Variants in PDGFRA observed in about 807,000 individuals in gnomAD.
The protein encoded by PDGFRA is platelet-derived growth factor receptor alpha.
In PDGFRA, 25 loss-of-function variants were observed where a neutral mutation model predicts 121.5. That is an observed-to-expected ratio of 0.21 (90% CI 0.15 to 0.29). The LOEUF is 0.29. PDGFRA is among the 10% of genes least tolerant of loss of function. The probability of loss-of-function intolerance (pLI) is 1.00; values close to 1 mark genes in which losing one functional copy is unlikely to be tolerated. For missense variants in PDGFRA, 1,008 were observed against 1,345.1 expected, an observed-to-expected ratio of 0.75 and a Z score of 3.92; for synonymous variants, 463 against 494.8, an observed-to-expected ratio of 0.94 and a Z score of 0.85.
At position 54,296,685 on chromosome 4, in the gene PDGFRA, C is replaced by T. The variant is rs1577758063; in HGVS notation, c.*1413C>T. ...ACCAGAGTCTGTATTTTTCTAAACT[C>T]CCTGGCTGTTCTGATCGGCCAGTTT... On this transcript the variant is annotated 3_prime_UTR_variant, in exon 23 of 23. Coordinates refer to ENST00000257290, the MANE Select transcript of PDGFRA (RefSeq NM_006206.6). 4.3e-6 allele frequency: 1 copy of T among 232,624 alleles called. No homozygotes were observed. The highest frequency in any genetic ancestry group is 1.8e-4 in the South Asian group (1 of 5,528). 14.4% of individuals were successfully genotyped at this position (232,624 alleles called of 1,614,324 possible).
At chr4:54,269,502 C>CAT in intron 7 of PDGFRA, among the ~76,000 whole-genome samples, 1 of 140,742 alleles carries the variant, frequency 7.1e-6, no homozygotes, top group Non-Finnish European at 1.5e-5. Context: ...TATGCACATA[C>CAT]ATACACACAC....
At chr4:54,242,226 G>A (rs1166947713) in intron 1 of PDGFRA, among the ~76,000 whole-genome samples, 2 of 151,892 alleles carry the variant, frequency 1.3e-5, no homozygotes, top group Admixed American at 1.3e-4. Flanking sequence ...TATTCTTTTT[G>A]TCTCCATCGA....
chr4:54,274,846 G>A lies in PDGFRA; in HGVS notation c.1659G>A (p.Pro553=), dbSNP rs150426218. Residue 553 remains proline (P), a synonymous_variant, in exon 12 of 23, where the codon CCG becomes CCA. Coordinates refer to ENST00000257290, the MANE Select transcript of PDGFRA (RefSeq NM_006206.6). ...CCTGTCCTGGTCATTTATAGAAACCGAGGTATGAAATTCGCTGGAGGGTCA... is the reference window on the plus strand; with the variant it reads ...CCTGTCCTGGTCATTTATAGAAACCAAGGTATGAAATTCGCTGGAGGGTCA... ...IVLVVIWKQK[P]RYEIRWRVIE... The A allele has an allele frequency of 5.1e-5, 83 of 1,614,100 alleles. 1 individual carries two copies. Among genetic ancestry groups the A allele is most frequent in the South Asian group, 3.5e-4 (32 of 91,076 alleles).
intron 5 of PDGFRA, among the ~76,000 whole-genome samples, chr4:54,265,997 C>A (rs1436123478): frequency 6.6e-6 from 1 of 152,154 alleles, no homozygotes; most frequent in African/African-American, 2.4e-5. Flanking sequence ...CCTGGGGCAT[C>A]TGATAGGAAG....
intron 15 of PDGFRA, chr4:54,278,914 G>A (rs1038556467): frequency 2.6e-5 from 12 of 460,506 alleles, no homozygotes; most frequent in African/African-American, 1.2e-4. Context: ...TATAAATGAC[G>A]TCAATGATAG....
intron 8 of PDGFRA, among the ~76,000 whole-genome samples, chr4:54,271,917 T>C (rs1577721361): frequency 4.4e-5 from 4 of 90,364 alleles, no homozygotes; most frequent in Admixed American, 1.3e-4. Context: ...CTTCCCTCAC[T>C]CTCTCTTTTC....
At chr4:54,280,813 C>A in intron 16 of PDGFRA, 1 of 171,592 alleles carries the variant, frequency 5.8e-6, no homozygotes, top group Non-Finnish European at 1.3e-5. Context: ...TTATTGCTGT[C>A]TTTTTCTTTT....
chr4:54,290,679 A>G (rs1724586481), intron 22 of PDGFRA, 125 bp downstream of exon 22: 10 of 1,086,028 alleles, frequency 9.2e-6, no homozygotes, highest in South Asian at 6.3e-5. Context: ...GACAAGTTGC[A>G]GAATCCTCAG....
In PDGFRA at chr4:54,291,558, C is replaced by A. The variant is rs562579746; in HGVS notation, c.3122+1004C>A. On this transcript the variant is annotated intron_variant, in intron 22 of 22. Coordinates refer to ENST00000257290, the MANE Select transcript of PDGFRA (RefSeq NM_006206.6). ...AACATCACTGATCACTAGAGAAATG[C>A]AAATCAGAACCGTGATGAGATACCA... 7.9e-5 allele frequency among the ~76,000 whole-genome samples: 12 copies of A among 152,230 alleles called. No individual in the cohort carries two copies. The South Asian group carries it at 2.5e-3, about 32-fold the overall frequency.
At chr4:54,292,340 A>G (rs1246128164) in intron 22 of PDGFRA, among the ~76,000 whole-genome samples, 1 of 152,252 alleles carries the variant, frequency 6.6e-6, no homozygotes, top group African/African-American at 2.4e-5. Flanking sequence ...ATGCAGCCGT[A>G]AAAAGGAATG....
At chr4:54,276,469 G>T (rs971207751) in intron 12 of PDGFRA, among the ~76,000 whole-genome samples, 23 of 152,180 alleles carry the variant, frequency 1.5e-4, no homozygotes, top group Non-Finnish European at 2.9e-4. Context: ...CCATGGGGCG[G>T]TTATAAGAGC....
At chr4:54,268,566 G>A (rs1723165857) in intron 7 of PDGFRA, among the ~76,000 whole-genome samples, 1 of 152,172 alleles carries the variant, frequency 6.6e-6, no homozygotes, top group East Asian at 1.9e-4. Context: ...GAAGAACAGA[G>A]CCTTTCTCAT....
At chr4:54,237,930 C>T (rs140242850) in intron 1 of PDGFRA, among the ~76,000 whole-genome samples, 4 of 152,300 alleles carry the variant, frequency 2.6e-5, no homozygotes, top group East Asian at 3.9e-4. Context: ...TTGTATCACA[C>T]GACCTTGTGT....
chr4:54,254,437 A>T (rs1187332639), intron 1 of PDGFRA, among the ~76,000 whole-genome samples: 1 of 152,182 alleles, frequency 6.6e-6, no homozygotes, highest in Non-Finnish European at 1.5e-5. Flanking sequence ...ATATGTCAGT[A>T]AATAATCTTC....
At chr4:54,244,518 G>A (rs537045913) in intron 1 of PDGFRA, among the ~76,000 whole-genome samples, 1 of 152,316 alleles carries the variant, frequency 6.6e-6, no homozygotes, top group East Asian at 1.9e-4. Context: ...CTGTCTGTTA[G>A]AAGGAAAACT....
intron 1 of PDGFRA, among the ~76,000 whole-genome samples, chr4:54,232,375 T>C (rs1720732834): frequency 6.6e-6 from 1 of 152,320 alleles, no homozygotes; most frequent in African/African-American, 2.4e-5. Context: ...CCTTTTGTTT[T>C]AAACTGATCA....
In PDGFRA at chr4:54,272,701, T is replaced by C. The variant is rs184828463; in HGVS notation, c.1364+181T>C. Among the ~76,000 whole-genome samples the C allele has an allele frequency of 2.0e-5, 3 of 152,324 alleles. No individual in the cohort carries two copies. The East Asian group carries it at 5.8e-4, about 29-fold the overall frequency. On this transcript the variant is annotated intron_variant, in intron 9 of 22. Coordinates refer to ENST00000257290, the MANE Select transcript of PDGFRA (RefSeq NM_006206.6). The stretch of plus-strand genomic sequence containing the variant: ...GAAGGTCCAGGGCTCTCATTAGACC[T>C]TCAAAATGTCTCCAATCTAAAAACA...
intron 16 of PDGFRA, chr4:54,281,935 C>G: frequency 2.7e-6 from 3 of 1,119,180 alleles, no homozygotes; most frequent in Non-Finnish European, 3.3e-6. Flanking sequence ...CAAAGTACTA[C>G]AAAGGTGGCT....
intron 22 of PDGFRA, among the ~76,000 whole-genome samples, chr4:54,293,970 A>C (rs1047459579): frequency 6.7e-6 from 1 of 149,756 alleles, no homozygotes; most frequent in Admixed American, 6.7e-5. Context: ...TCAGAACATT[A>C]TTTTGGAGGC....
Sources: allele counts gnomAD v4.1 joint callset (sites outside exome capture counted in the v4.1 genomes callset), GRCh38; gene constraint gnomAD v4.1.1; transcripts MANE v1.5; gene names NCBI Gene and HGNC (gene_info 2026-07-23, HGNC 2026-07-21).